Variants in ANK2 observed in about 807,000 individuals in gnomAD.
ANK2 encodes ankyrin-2.
ANK2 carries 83 observed loss-of-function variants against 360.5 expected under a neutral mutation model. The observed-to-expected ratio is 0.23, with a 90% CI of 0.19 to 0.28. ANK2 has a LOEUF of 0.28. Among genes scored for constraint, ANK2 ranks in the 10% least tolerant of loss-of-function variants. The pLI is 1.00. For missense variants in ANK2, 4,201 were observed against 4,795.7 expected, an observed-to-expected ratio of 0.88 and a Z score of 3.66; for synonymous variants, 1,740 against 1,759.5, an observed-to-expected ratio of 0.99 and a Z score of 0.28.
In ANK2 at chr4:113,358,801, A is replaced by G. The variant is rs1238586791; in HGVS notation, c.10183A>G (p.Ser3395Gly). 1 of 1,614,148 alleles carries G rather than the reference A, an allele frequency of 6.2e-7. No homozygotes were observed. The highest frequency in any genetic ancestry group is 8.5e-7 in the Non-Finnish European group (1 of 1,179,988). Reference protein sequence around the residue: ...DNRSKSESDASSLDSKTKCPV... With the variant: ...DNRSKSESDAGSLDSKTKCPV... ...TAGAAGCAAATCTGAATCTGATGCT[A>G]GTTCTTTGGATTCAAAGACCAAATG... Residue 3395 changes from serine to glycine, a missense_variant, in exon 38 of 46, where the codon AGT becomes GGT. Physicochemically the swap from Ser to Gly is moderately conservative, Grantham distance 56. This residue lies in a region of ANK2 where 2,642 missense variants were observed against 2,714.5 expected (regional missense o/e 0.97). Coordinates refer to ENST00000357077, the MANE Select transcript of ANK2 (RefSeq NM_001148.6).
rs749880601 is a variant in ANK2 at position 113,354,719 on chromosome 4, G to A, written c.6101G>A (p.Gly2034Glu). ...KGKVRVEKEKGPILTQREAQK... is the reference protein window; with the variant it reads ...KGKVRVEKEKEPILTQREAQK... ...AAAGTTCGGGTAGAAAAAGAAAAGG[G>A]GCCGATACTAACCCAGAGAGAAGCT... The change falls in exon 38 of 46, where the codon GGG (glycine) becomes GAG (glutamate). Residue 2034 changes from glycine (G) to glutamate (E), a missense_variant. By Grantham distance (98) the Gly-to-Glu change is moderately conservative. Transcript: ENST00000357077. 9 of 1,613,774 alleles carry A rather than the reference G, an allele frequency of 5.6e-6. No homozygotes were observed. The highest frequency in any genetic ancestry group is 2.2e-5 in the South Asian group (2 of 91,048).
intron 1 of ANK2, among the ~76,000 whole-genome samples, chr4:112,861,427 T>C (rs17045079): frequency 0.055 from 8,450 of 152,290 alleles, 393 homozygotes; most frequent in African/African-American, 0.12. Flanking sequence ...AAAATGCAAT[T>C]GCTCTGATCT....
intron 4 of ANK2, among the ~76,000 whole-genome samples, chr4:113,230,099 G>GT (rs986940096): frequency 7.9e-5 from 12 of 151,784 alleles, no homozygotes; most frequent in Non-Finnish European, 1.2e-4. Flanking sequence ...TGCTTGCTGT[G>GT]TTTTTTTAAA....
At position 113,358,774 on chromosome 4, in the gene ANK2, A is replaced by G; in HGVS notation, c.10156A>G (p.Asn3386Asp). 1 of 1,614,120 alleles carries G rather than the reference A, an allele frequency of 6.2e-7. No homozygotes were observed. Among genetic ancestry groups the G allele is most frequent in the East Asian group, 2.2e-5 (1 of 44,878 alleles). Residue 3386 changes from asparagine to aspartate, a missense_variant, in exon 38 of 46, where the codon AAT (asparagine) becomes GAT (aspartate). Physicochemically the swap from Asn to Asp is conservative, Grantham distance 23. This residue lies in a region of ANK2 where 2,642 missense variants were observed against 2,714.5 expected (regional missense o/e 0.97). Coordinates refer to ENST00000357077, the MANE Select transcript of ANK2 (RefSeq NM_001148.6). ...GGACATGGCAAGCATCGCACCAGAT[A>G]ATAGAAGCAAATCTGAATCTGATGC... ...GQDMASIAPD[N>D]RSKSESDASS...
the ANK2 span, among the ~76,000 whole-genome samples, chr4:112,733,402 T>C: frequency 6.6e-6 from 1 of 152,120 alleles, no homozygotes; most frequent in Non-Finnish European, 1.5e-5. Flanking sequence ...TATTTGGAGG[T>C]CCGGTATCTG....
In ANK2 at chr4:113,311,328, A is replaced by G. The variant is rs764486532; in HGVS notation, c.2622A>G (p.Ser874=). Residue 874 remains serine (S), a synonymous_variant, in exon 24 of 46, where the codon TCA becomes TCG. Coordinates refer to ENST00000357077, the MANE Select transcript of ANK2 (RefSeq NM_001148.6). Reference sequence around the variant, plus strand: ...ACCTAAAAGAACTGGGTGATGACTCACTACCCAGCAGTCAGTTCCTGGATG... The same window carrying G: ...ACCTAAAAGAACTGGGTGATGACTCGCTACCCAGCAGTCAGTTCCTGGATG... The part of the protein sequence containing the change: ...PEDLKELGDD[S]LPSSQFLDGM... The G allele has an allele frequency of 1.6e-4, 255 of 1,614,032 alleles. No individual in the cohort carries two copies. Among genetic ancestry groups the G allele is most frequent in the Non-Finnish European group, 2.1e-4 (249 of 1,180,012 alleles).
chr4:112,779,166 T>G, the ANK2 span, among the ~76,000 whole-genome samples: 290 of 152,340 alleles, frequency 1.9e-3, 2 homozygotes, highest in Non-Finnish European at 3.4e-3. Context: ...TTTTTTAATG[T>G]ACATCCTATA....
chr4:112,886,648 C>T (rs376557011), intron 1 of ANK2, among the ~76,000 whole-genome samples: 20 of 151,984 alleles, frequency 1.3e-4, no homozygotes, highest in Admixed American at 9.8e-4. Flanking sequence ...GGCGACAGAG[C>T]GAGACTCTGT....
chr4:113,068,731 T>C (rs1301283485), intron 1 of ANK2, among the ~76,000 whole-genome samples: 8 of 152,006 alleles, frequency 5.3e-5, no homozygotes, highest in Non-Finnish European at 1.2e-4. Flanking sequence ...ACAAAAAAGG[T>C]ATGAAGTCAA....
At chr4:113,072,246 A>T (rs1454145421) in intron 1 of ANK2, among the ~76,000 whole-genome samples, 1 of 152,204 alleles carries the variant, frequency 6.6e-6, no homozygotes, top group Non-Finnish European at 1.5e-5. Context: ...CTTCAGGGTT[A>T]CCTGGTATGG....
At chr4:112,958,654 C>T (rs1253545571) in intron 2 of ANK2, among the ~76,000 whole-genome samples, 1 of 151,884 alleles carries the variant, frequency 6.6e-6, no homozygotes, top group Non-Finnish European at 1.5e-5. Context: ...GAGAGGGCTG[C>T]TCTTGTTTTA....
At chr4:113,366,330 A>C (rs922381610) in intron 41 of ANK2, among the ~76,000 whole-genome samples, 1 of 151,088 alleles carries the variant, frequency 6.6e-6, no homozygotes, top group African/African-American at 2.4e-5. Context: ...TTTGGCATGA[A>C]TAGTGAAGCC....
chr4:113,297,035 T>C (rs2071997835), intron 22 of ANK2, among the ~76,000 whole-genome samples: 1 of 152,186 alleles, frequency 6.6e-6, no homozygotes, highest in South Asian at 2.1e-4. Flanking sequence ...ATATTCTAAG[T>C]CCTAAATCTT....
At chr4:113,277,613 C>T (rs540525455) in intron 15 of ANK2, among the ~76,000 whole-genome samples, 1 of 152,034 alleles carries the variant, frequency 6.6e-6, no homozygotes, top group Non-Finnish European at 1.5e-5. Flanking sequence ...GTCTCCAAGC[C>T]CTTAAAATAA....
At chr4:113,210,174 C>G (rs2099004768) in intron 4 of ANK2, among the ~76,000 whole-genome samples, 1 of 152,166 alleles carries the variant, frequency 6.6e-6, no homozygotes, top group South Asian at 2.1e-4. Flanking sequence ...TGAAGGAACT[C>G]AAGATTTTCC....
intron 43 of ANK2, among the ~76,000 whole-genome samples, chr4:113,372,034 G>A (rs1048066104): frequency 6.6e-6 from 1 of 152,092 alleles, no homozygotes; most frequent in Admixed American, 6.5e-5. Flanking sequence ...TGATGCCAGG[G>A]AGATGCACTA....
Position 113,237,611 on chromosome 4 carries a change from A to G in ANK2, c.682A>G (p.Arg228Gly), listed in dbSNP as rs1180920892. Residue 228 changes from arginine (R) to glycine (G), a missense_variant, in exon 7 of 46, where the codon AGG (arginine) becomes GGG (glycine). By Grantham distance (125) the Arg-to-Gly change is moderately radical (BLOSUM62 -2). Around this residue, in one of 4 missense-constraint regions of ANK2, gnomAD observed 122 missense variants for 239.3 expected, o/e 0.51. Transcript: ENST00000357077. ...AACACTGCTTCAGATGATGGTGAAT[A>G]GGACAACTGAGGTACAGTATTGTGG... The part of the protein sequence containing the change: ...ADVQSKMMVN[R>G]TTESGFTPLH... 1.9e-6 allele frequency: 3 copies of G among 1,609,374 alleles called. No individual in the cohort carries two copies. The highest frequency in any genetic ancestry group is 2.7e-5 in the African/African-American group (2 of 74,814).
chr4:112,878,954 C>G (rs922088216), intron 1 of ANK2, among the ~76,000 whole-genome samples: 1 of 152,058 alleles, frequency 6.6e-6, no homozygotes, highest in Non-Finnish European at 1.5e-5. Flanking sequence ...TATATCTAGG[C>G]ACAAAATGCT....
intron 2 of ANK2, among the ~76,000 whole-genome samples, chr4:113,033,595 G>T (rs747155807): frequency 5.3e-5 from 8 of 152,012 alleles, no homozygotes; most frequent in Non-Finnish European, 7.4e-5. Context: ...TGAGAAAAAA[G>T]TGTGTGTGTG....
Sources: allele counts gnomAD v4.1 joint callset (sites outside exome capture counted in the v4.1 genomes callset), GRCh38; gene constraint gnomAD v4.1.1; regional missense constraint gnomAD v4.1.1; transcripts MANE v1.5; gene names NCBI Gene and HGNC (gene_info 2026-07-23, HGNC 2026-07-21).